The following PDE2A variants were observed in gnomAD, a reference collection of about 807,000 sequenced individuals.
PDE2A encodes cGMP-dependent 3',5'-cyclic phosphodiesterase.
PDE2A carries 53 observed loss-of-function variants against 133.6 expected under a neutral mutation model. The ratio of observed to expected loss-of-function variants is 0.40; its 90% CI spans 0.32 to 0.50. The LOEUF is 0.50. Among genes scored for constraint, PDE2A ranks in the 20% least tolerant of loss-of-function variants. The pLI, the probability that PDE2A is intolerant of heterozygous loss-of-function variation, is 0.73. For missense variants in PDE2A, 796 were observed against 1,232.4 expected, an observed-to-expected ratio of 0.65 and a Z score of 5.30; for synonymous variants, 491 against 490.2, an observed-to-expected ratio of 1.00 and a Z score of -0.02.
chr11:72,603,710 T>G (rs1856852253), intron 4 of PDE2A, among the ~76,000 whole-genome samples: 1 of 152,220 alleles, frequency 6.6e-6, no homozygotes, highest in African/African-American at 2.4e-5. Context: ...CAGACCATCC[T>G]CTTACAGACG....
chr11:72,639,081 A>G (rs970375061), intron 2 of PDE2A, among the ~76,000 whole-genome samples: 3 of 152,044 alleles, frequency 2.0e-5, no homozygotes, highest in Non-Finnish European at 4.4e-5. Context: ...TTCCAATCTC[A>G]AGGAACCTTG....
chr11:72,586,308 G>T (rs1258048395), intron 13 of PDE2A, 127 bp from the exon 14 acceptor site: 3 of 661,794 alleles, frequency 4.5e-6, no homozygotes, highest in Non-Finnish European at 8.2e-6. Flanking sequence ...CACTGCACAG[G>T]CCCTTGGAAC....
At chr11:72,653,782 C>A (rs1271612858) in intron 1 of PDE2A, among the ~76,000 whole-genome samples, 1 of 152,240 alleles carries the variant, frequency 6.6e-6, no homozygotes, top group African/African-American at 2.4e-5. Context: ...GGGTCACCCC[C>A]CAGCCTCGCC....
At chr11:72,631,455 C>T (rs897832466) in intron 2 of PDE2A, among the ~76,000 whole-genome samples, 1 of 152,194 alleles carries the variant, frequency 6.6e-6, no homozygotes, top group African/African-American at 2.4e-5. Context: ...TGCTTCTCTC[C>T]AGGGAGCTCT....
chr11:72,583,397 G>A lies in PDE2A; in HGVS notation c.1728+41C>T. ...AGCCCTGCCTGGCCCTGGGTCCCCG[G>A]GGAATCTGGGAGGAGGACCAGAGGT... On this transcript the variant is annotated intron_variant, in intron 20 of 30. Transcript: ENST00000334456. 2.1e-6 allele frequency: 3 copies of A among 1,403,774 alleles called. No homozygotes were observed. In the South Asian group the frequency reaches 3.5e-5, roughly 16 times the overall value. 87.0% of individuals were successfully genotyped at this position (1,403,774 alleles called of 1,614,324 possible).
chr11:72,578,567 G>T lies in PDE2A; in HGVS notation c.2470-53C>A. 1 of 1,471,134 alleles carries T rather than the reference G, an allele frequency of 6.8e-7. No homozygotes were observed. Among genetic ancestry groups the T allele is most frequent in the Non-Finnish European group, 9.5e-7 (1 of 1,049,932 alleles). 91.1% of individuals were successfully genotyped at this position (1,471,134 alleles called of 1,614,324 possible). On this transcript the variant is annotated intron_variant, in intron 28 of 30. Coordinates refer to ENST00000334456, the MANE Select transcript of PDE2A (RefSeq NM_002599.5). The surrounding 1 kb of genome is among the most constrained non-coding windows in gnomAD (Gnocchi z 4.2). The stretch of plus-strand genomic sequence containing the variant: ...CTCTATGTAGGATACATCCACCCAA[G>T]CTCCTCTGACAGCCCGTTCCCAGGA...
At chr11:72,647,063 C>T (rs1859146000) in intron 1 of PDE2A, among the ~76,000 whole-genome samples, 1 of 152,082 alleles carries the variant, frequency 6.6e-6, no homozygotes, top group African/African-American at 2.4e-5. Context: ...TCCCTGAGTC[C>T]CCATGGTCCA....
At chr11:72,600,407 C>T (rs1856686981) in intron 4 of PDE2A, among the ~76,000 whole-genome samples, 1 of 152,128 alleles carries the variant, frequency 6.6e-6, no homozygotes, top group African/African-American at 2.4e-5. Context: ...AATTCTTAGG[C>T]AGCCTCGGCA....
chr11:72,590,401 G>C lies in PDE2A; in HGVS notation c.703+26C>G, dbSNP rs1444614591. 6.3e-7 allele frequency: 1 copy of C among 1,587,830 alleles called. No individual in the cohort carries two copies. Among genetic ancestry groups the C allele is most frequent in the Non-Finnish European group, 8.6e-7 (1 of 1,168,116 alleles). Reference sequence around the variant, plus strand: ...CCAAGTTCTGCCCGGCCCCGCCCTCGTGACCTGTCCAGGCCGGGCCCTCAC... The same window carrying C: ...CCAAGTTCTGCCCGGCCCCGCCCTCCTGACCTGTCCAGGCCGGGCCCTCAC... On this transcript the variant is annotated intron_variant, in intron 8 of 30. Coordinates refer to ENST00000334456, the MANE Select transcript of PDE2A (RefSeq NM_002599.5). The surrounding 1 kb of genome is among the most constrained non-coding windows in gnomAD (Gnocchi z 4.8).
rs549418369 is a variant in PDE2A, at chr11:72,651,192, A to G, written c.72-8866T>C. On this transcript the variant is annotated intron_variant, in intron 1 of 30. Transcript: ENST00000334456. ...GAATGCGAGAACCTGGGGTCTTGAG[A>G]ATGTAGAAGCCCAAGATTCTAACAT... 1.1e-4 allele frequency among the ~76,000 whole-genome samples: 17 copies of G among 152,304 alleles called. No individual in the cohort carries two copies. The South Asian group carries it at 2.5e-3, about 22-fold the overall frequency.
intron 1 of PDE2A, chr11:72,668,448 C>G: frequency 1.4e-6 from 1 of 714,366 alleles, no homozygotes. Context: ...TGTGAGAAGT[C>G]GTAATTATGG....
intron 6 of PDE2A, among the ~76,000 whole-genome samples, chr11:72,594,364 G>A (rs1856380013): frequency 6.6e-6 from 1 of 152,196 alleles, no homozygotes; most frequent in African/African-American, 2.4e-5. Context: ...CAGCAGCTGG[G>A]AAGTCTGGGG....
intron 2 of PDE2A, among the ~76,000 whole-genome samples, chr11:72,616,436 C>T (rs1377898336): frequency 6.6e-6 from 1 of 152,210 alleles, no homozygotes; most frequent in Non-Finnish European, 1.5e-5. Context: ...TCCTGCCCCT[C>T]TCCAGGTCTC....
At chr11:72,600,930 C>T (rs948194966) in intron 4 of PDE2A, among the ~76,000 whole-genome samples, 1 of 151,794 alleles carries the variant, frequency 6.6e-6, no homozygotes, top group Non-Finnish European at 1.5e-5. Context: ...GAAAAAGAAT[C>T]GAGGGAAAGG....
At chr11:72,643,538 C>T (rs1252228632) in intron 1 of PDE2A, 1 of 152,232 alleles carries the variant, frequency 6.6e-6, no homozygotes, top group African/African-American at 2.4e-5. Flanking sequence ...CCCGACAGCC[C>T]TCAATGTGGT....
chr11:72,640,959 C>T lies in PDE2A; in HGVS notation c.144+1295G>A, dbSNP rs557377981. 6.3e-4 allele frequency among the ~76,000 whole-genome samples: 96 copies of T among 152,310 alleles called. 1 individual carries two copies. In the South Asian group the frequency reaches 0.019, roughly 31 times the overall value. On this transcript the variant is annotated intron_variant, in intron 2 of 30. Transcript: ENST00000334456. Reference sequence around the variant, plus strand: ...CATAATCTCCCCACAAATAATCCCACTCTCGATGACACATTCATACACGGC... The same window carrying T: ...CATAATCTCCCCACAAATAATCCCATTCTCGATGACACATTCATACACGGC...
At chr11:72,656,166 G>A (rs563593667) in intron 1 of PDE2A, among the ~76,000 whole-genome samples, 2 of 152,214 alleles carry the variant, frequency 1.3e-5, no homozygotes. Context: ...CCACGAGGGG[G>A]GCCATGTAGA....
intron 2 of PDE2A, among the ~76,000 whole-genome samples, chr11:72,620,046 G>T (rs951357414): frequency 4.6e-5 from 7 of 152,196 alleles, no homozygotes; most frequent in African/African-American, 1.7e-4. Flanking sequence ...TGGTGAGGGA[G>T]AGTGGGCTCA....
rs1856186933 is a variant in PDE2A, at chr11:72,590,389, G to C, written c.703+38C>G. The C allele has an allele frequency of 1.9e-6, 3 of 1,577,264 alleles. No homozygotes were observed. The highest frequency in any genetic ancestry group is 2.7e-5 in the African/African-American group (2 of 74,310). Reference sequence around the variant, plus strand: ...CCCACCTCCCCTCCAAGTTCTGCCCGGCCCCGCCCTCGTGACCTGTCCAGG... The same window carrying C: ...CCCACCTCCCCTCCAAGTTCTGCCCCGCCCCGCCCTCGTGACCTGTCCAGG... On this transcript the variant is annotated intron_variant, in intron 8 of 30. Coordinates refer to ENST00000334456, the MANE Select transcript of PDE2A (RefSeq NM_002599.5). The surrounding 1 kb of genome is among the most constrained non-coding windows in gnomAD (Gnocchi z 4.8).
Sources: gnomAD v4.1 joint callset for allele counts (sites outside exome capture counted in the v4.1 genomes callset) on GRCh38, gnomAD v4.1.1 for gene constraint, Gnocchi (gnomAD v3.1) non-coding constraint, MANE v1.5 for transcripts, NCBI Gene and HGNC (gene_info 2026-07-23, HGNC 2026-07-21) for gene names.